The following PCDHA6 variants were observed in gnomAD, a reference collection of about 807,000 sequenced individuals.
The protein encoded by PCDHA6 is protocadherin alpha-6.
In PCDHA6, 55 loss-of-function variants were observed where a neutral mutation model predicts 60.3. That is an observed-to-expected ratio of 0.91 (90% CI 0.73 to 1.14). PCDHA6 has a LOEUF of 1.14. Ranked by LOEUF, PCDHA6 falls within the 50% of genes most tolerant of loss-of-function variation. The probability of loss-of-function intolerance (pLI) is 0.00; values close to 1 mark genes in which losing one functional copy is unlikely to be tolerated. For synonymous variants in PCDHA6, 652 were observed against 557.9 expected (o/e 1.17, Z -2.38); for missense variants, 1,327 against 1,256.5 (o/e 1.06, Z -0.85).
At chr5:140,984,453 T>C (rs2097104309) in intron 3 of PCDHA6, among the ~76,000 whole-genome samples, 1 of 152,254 alleles carries the variant, frequency 6.6e-6, no homozygotes, top group South Asian at 2.1e-4. Flanking sequence ...CCTTTCTTAC[T>C]GTCCCAGCCC....
intron 3 of PCDHA6, among the ~76,000 whole-genome samples, chr5:140,988,661 A>G (rs1411850477): frequency 6.6e-6 from 1 of 152,186 alleles, no homozygotes; most frequent in Non-Finnish European, 1.5e-5. Context: ...TTGTTTATGA[A>G]TAGACTCTAA....
At chr5:140,883,682 T>G (rs2059750474) in intron 1 of PCDHA6, 1 of 1,613,604 alleles carries the variant, frequency 6.2e-7, no homozygotes. Context: ...TCCGCCGGGC[T>G]GCCACATCTT....
intron 1 of PCDHA6, chr5:140,852,818 G>A: frequency 1.0e-6 from 1 of 971,786 alleles, no homozygotes; most frequent in Non-Finnish European, 1.2e-6. Flanking sequence ...CCCGCCCTAA[G>A]TCCTCCAGTC....
At chr5:140,938,684 A>T (rs1554212293) in intron 1 of PCDHA6, among the ~76,000 whole-genome samples, 1 of 152,046 alleles carries the variant, frequency 6.6e-6, no homozygotes, top group African/African-American at 2.4e-5. Flanking sequence ...CATTTTCTTT[A>T]CAGTTTTTAA....
rs782619715 is a variant in PCDHA6, at chr5:140,883,236, T to C, written c.2394+52751T>C. 1.2e-5 allele frequency: 20 copies of C among 1,613,888 alleles called. No individual in the cohort carries two copies. Among genetic ancestry groups the C allele is most frequent in the Non-Finnish European group, 1.7e-5 (20 of 1,180,006 alleles). On this transcript the variant is annotated intron_variant, in intron 1 of 3. Coordinates refer to ENST00000529310, the MANE Select transcript of PCDHA6 (RefSeq NM_018909.4). ...TTATATGAAATATCCGTGGAGGCAGTTGACAAAGGAAATATTCCAATGGCG... is the reference window on the plus strand; with the variant it reads ...TTATATGAAATATCCGTGGAGGCAGCTGACAAAGGAAATATTCCAATGGCG...
chr5:140,973,126 T>C (rs1554234908), intron 1 of PCDHA6, among the ~76,000 whole-genome samples: 1 of 152,144 alleles, frequency 6.6e-6, no homozygotes, highest in Non-Finnish European at 1.5e-5. Flanking sequence ...ATGAATTAAG[T>C]TTGCATTCAC....
chr5:140,984,658 A>G (rs1421972508), intron 3 of PCDHA6, among the ~76,000 whole-genome samples: 1 of 152,146 alleles, frequency 6.6e-6, no homozygotes, highest in Non-Finnish European at 1.5e-5. Flanking sequence ...TCCTTCTGGT[A>G]CTTTTAGGTT....
At chr5:140,969,180 C>T in intron 1 of PCDHA6, 1 of 1,614,110 alleles carries the variant, frequency 6.2e-7, no homozygotes, top group Non-Finnish European at 8.5e-7. Context: ...GGGAGTGACA[C>T]TTTCATGTTT....
chr5:140,971,451 T>C (rs1442240847), intron 1 of PCDHA6, among the ~76,000 whole-genome samples: 2 of 152,110 alleles, frequency 1.3e-5, no homozygotes, highest in East Asian at 1.9e-4. Flanking sequence ...GCTCCAGAAA[T>C]TTTTGCAGTT....
chr5:140,883,887 C>G (rs782749190), intron 1 of PCDHA6: 1 of 1,613,348 alleles, frequency 6.2e-7, no homozygotes, highest in South Asian at 1.1e-5. Flanking sequence ...GCGCGCGACT[C>G]TGGCGTGCCG....
intron 1 of PCDHA6, chr5:140,849,719 G>A (rs1386986772): frequency 6.3e-7 from 1 of 1,598,560 alleles, no homozygotes; most frequent in Non-Finnish European, 8.6e-7. Flanking sequence ...ACTCGTTGGT[G>A]CTGGACAGAG....
At chr5:140,952,746 T>C (rs1554220596) in intron 1 of PCDHA6, among the ~76,000 whole-genome samples, 1 of 152,190 alleles carries the variant, frequency 6.6e-6, no homozygotes, top group Non-Finnish European at 1.5e-5. Context: ...CACACTGCTA[T>C]AAAAACACCT....
chr5:140,863,011 C>T (rs782711409), intron 1 of PCDHA6: 2 of 552,132 alleles, frequency 3.6e-6, no homozygotes, highest in Admixed American at 1.9e-5. Flanking sequence ...CCAGCTATGA[C>T]GCCTGGTTGT....
intron 1 of PCDHA6, chr5:140,967,531 T>C (rs1399482021): frequency 3.7e-6 from 6 of 1,613,104 alleles, no homozygotes; most frequent in Non-Finnish European, 4.2e-6. Context: ...ACAACTCTCC[T>C]GCCTTTGACC....
chr5:141,008,199 T>G (rs966441661), intron 3 of PCDHA6, among the ~76,000 whole-genome samples: 3 of 152,338 alleles, frequency 2.0e-5, no homozygotes, highest in Admixed American at 2.0e-4. Flanking sequence ...AGTAATATAA[T>G]GAACTTGACA....
chr5:140,895,315 A>C (rs541841623), intron 1 of PCDHA6, among the ~76,000 whole-genome samples: 2 of 152,036 alleles, frequency 1.3e-5, no homozygotes, highest in East Asian at 1.9e-4. Flanking sequence ...TCCACCCATG[A>C]CTATTGTTCT....
chr5:140,842,603 C>A (rs2150340320), intron 1 of PCDHA6: 3 of 1,548,222 alleles, frequency 1.9e-6, no homozygotes, highest in Non-Finnish European at 2.6e-6. Context: ...GGTAACCGCG[C>A]GGGACGGGGG....
In PCDHA6 at chr5:140,835,742, G is replaced by A. The variant is rs2150243786; in HGVS notation, c.2394+5257G>A. On this transcript the variant is annotated intron_variant, in intron 1 of 3. Coordinates refer to ENST00000529310, the MANE Select transcript of PCDHA6 (RefSeq NM_018909.4). ...TGGCCGACGTGAACGACAACGCCCC[G>A]GCGTTCGCGCAGCCCGAGTATACGG... 1.8e-5 allele frequency: 29 copies of A among 1,613,552 alleles called. 1 individual carries two copies. The highest frequency in any genetic ancestry group is 2.4e-5 in the Non-Finnish European group (28 of 1,179,844).
At chr5:140,924,572 A>G (rs1345446158) in intron 1 of PCDHA6, among the ~76,000 whole-genome samples, 1 of 152,132 alleles carries the variant, frequency 6.6e-6, no homozygotes, top group African/African-American at 2.4e-5. Flanking sequence ...CAATTTTTAA[A>G]TGTTTTCAAA....
Sources: allele counts gnomAD v4.1 joint callset (sites outside exome capture counted in the v4.1 genomes callset), GRCh38; gene constraint gnomAD v4.1.1; transcripts MANE v1.5; gene names NCBI Gene and HGNC (gene_info 2026-07-23, HGNC 2026-07-21).